Variants in PPP2R3A observed in about 807,000 individuals in gnomAD.
PPP2R3A encodes serine/threonine-protein phosphatase 2A regulatory subunit B'' subunit alpha.
Under a neutral mutation model 106.9 loss-of-function variants are expected in PPP2R3A, and 80 were observed. The ratio of observed to expected loss-of-function variants is 0.75; its 90% confidence interval spans 0.62 to 0.90. PPP2R3A has a LOEUF of 0.90. PPP2R3A is among the 40% of genes least tolerant of loss of function. PPP2R3A has a pLI of 0.00. For missense variants in PPP2R3A, 1,386 were observed against 1,350.4 expected (o/e 1.03, Z -0.41); for synonymous variants, 483 against 468.3 (o/e 1.03, Z -0.41).
chr3:135,972,435 T>C lies in PPP2R3A; in HGVS notation c.-441+6586T>C, dbSNP rs137911477. On this transcript the variant is annotated intron_variant, in intron 1 of 13. Coordinates refer to ENST00000264977, the MANE Select transcript of PPP2R3A (RefSeq NM_002718.5). The stretch of plus-strand genomic sequence containing the variant: ...ATTGCTAAGAGCATTCTTCTACAAG[T>C]TTTTGTTTAAATACCTGTTTTCAAT... Among the ~76,000 whole-genome samples the C allele has an allele frequency of 5.4e-3, 824 of 152,312 alleles. 3 individuals carry two copies. The highest frequency in any genetic ancestry group is 8.0e-3 in the Non-Finnish European group (544 of 68,010).
At chr3:136,037,657 G>A (rs936797162) in intron 3 of PPP2R3A, among the ~76,000 whole-genome samples, 2 of 152,164 alleles carry the variant, frequency 1.3e-5, no homozygotes, top group Non-Finnish European at 2.9e-5. Flanking sequence ...TGAGGATCAC[G>A]TGAAGGCCAA....
At chr3:136,042,970 ATTTTTT>A (rs10707670) in intron 4 of PPP2R3A, among the ~76,000 whole-genome samples, 2 of 148,090 alleles carry the variant, frequency 1.4e-5, no homozygotes, top group Non-Finnish European at 3.0e-5. Context: ...TAGTTTTGTA[ATTTTTT>A]TTTTTTGTAA....
intron 5 of PPP2R3A, among the ~76,000 whole-genome samples, chr3:136,055,962 A>AT (rs1415726643): frequency 1.3e-5 from 2 of 152,306 alleles, no homozygotes; most frequent in Admixed American, 1.3e-4. Flanking sequence ...AGCCTGACAG[A>AT]TACTACCTCA....
At chr3:136,062,168 T>C (rs1010817492) in intron 5 of PPP2R3A, among the ~76,000 whole-genome samples, 1 of 152,154 alleles carries the variant, frequency 6.6e-6, no homozygotes, top group Non-Finnish European at 1.5e-5. Context: ...TGAGAAAGTT[T>C]ATCTCCTTTA....
intron 13 of PPP2R3A, among the ~76,000 whole-genome samples, chr3:136,120,266 C>A (rs996796674): frequency 1.3e-5 from 2 of 151,994 alleles, no homozygotes; most frequent in Non-Finnish European, 1.5e-5. Flanking sequence ...TGTACATGTA[C>A]CCCAGAACTT....
chr3:136,144,956 G>A, intron 13 of PPP2R3A, 87 bp from the exon 14 acceptor site: 2 of 1,450,474 alleles, frequency 1.4e-6, no homozygotes, highest in Non-Finnish European at 1.9e-6. Context: ...TTTGTGGGCT[G>A]GTCTTGAGGC....
At chr3:136,126,372 C>G (rs1234670408) in intron 13 of PPP2R3A, among the ~76,000 whole-genome samples, 1 of 152,214 alleles carries the variant, frequency 6.6e-6, no homozygotes, top group Non-Finnish European at 1.5e-5. Flanking sequence ...TCACTGCTAG[C>G]GCAGCAGTCT....
At chr3:136,057,275 C>T (rs535078584) in intron 5 of PPP2R3A, among the ~76,000 whole-genome samples, 2 of 152,136 alleles carry the variant, frequency 1.3e-5, no homozygotes, top group South Asian at 4.1e-4. Flanking sequence ...CCCCCAAGTG[C>T]CAATCAATGG....
chr3:136,107,490 A>C (rs1260975014), intron 13 of PPP2R3A, among the ~76,000 whole-genome samples: 1 of 125,002 alleles, frequency 8.0e-6, no homozygotes, highest in East Asian at 2.3e-4. Context: ...GATGTGGTCC[A>C]TTCAGGTCAG....
intron 1 of PPP2R3A, among the ~76,000 whole-genome samples, chr3:135,966,516 C>A (rs1354225783): frequency 6.6e-6 from 1 of 152,174 alleles, no homozygotes; most frequent in Non-Finnish European, 1.5e-5. Flanking sequence ...GCCGCCGCCG[C>A]GGAGGGGCGT....
chr3:135,999,878 A>C (rs1933553534), intron 1 of PPP2R3A, among the ~76,000 whole-genome samples: 1 of 152,026 alleles, frequency 6.6e-6, no homozygotes, highest in Non-Finnish European at 1.5e-5. Flanking sequence ...GGTTCAAGAC[A>C]TTCTCCTGCC....
rs189538200 is a variant in PPP2R3A at position 136,052,121 on chromosome 3, A to G, written c.2469+2760A>G. On this transcript the variant is annotated intron_variant, in intron 5 of 13. Coordinates refer to ENST00000264977, the MANE Select transcript of PPP2R3A (RefSeq NM_002718.5). ...TGTTTTGTGAAATCTCAAATCTTCA[A>G]TATTTGAACTGCATTGTAATAAAAC... 8.3e-3 allele frequency among the ~76,000 whole-genome samples: 1,260 copies of G among 152,300 alleles called. 22 individuals are homozygous for G. Among genetic ancestry groups the G allele is most frequent in the African/African-American group, 0.028 (1,160 of 41,552 alleles).
chr3:136,002,707 A>G lies in PPP2R3A; in HGVS notation c.1209A>G (p.Leu403=), dbSNP rs1269065003. The G allele has an allele frequency of 1.5e-5, 24 of 1,613,314 alleles. No individual in the cohort carries two copies. In the East Asian group the frequency reaches 5.3e-4, roughly 36 times the overall value. The change falls in exon 2 of 14, where the codon TTA becomes TTG. Residue 403 remains leucine (L), a synonymous_variant. Transcript: ENST00000264977. The part of the protein sequence containing the change: ...VQSQSLTMNP[L]ENVSSDDLME... The stretch of plus-strand genomic sequence containing the variant: ...CACAGTCATTAACCATGAATCCTTT[A>G]GAAAATGTTTCTTCTGACGACTTAA...
At chr3:136,113,106 C>G (rs1297803046) in intron 13 of PPP2R3A, among the ~76,000 whole-genome samples, 1 of 151,392 alleles carries the variant, frequency 6.6e-6, no homozygotes, top group Non-Finnish European at 1.5e-5. Flanking sequence ...GCACTCCAAC[C>G]TGGGCAACAA....
At chr3:136,004,128 A>G (rs1442492754) in intron 2 of PPP2R3A, among the ~76,000 whole-genome samples, 2 of 152,258 alleles carry the variant, frequency 1.3e-5, no homozygotes, top group Non-Finnish European at 2.9e-5. Flanking sequence ...TCTCCAGGCA[A>G]CTGAGAATAA....
chr3:136,036,640 C>T (rs747449746), intron 3 of PPP2R3A, among the ~76,000 whole-genome samples: 11 of 152,100 alleles, frequency 7.2e-5, no homozygotes, highest in Non-Finnish European at 1.3e-4. Flanking sequence ...AGGAACAGTC[C>T]GCTTCCTTCA....
chr3:136,054,554 G>A (rs1031331560), intron 5 of PPP2R3A, among the ~76,000 whole-genome samples: 1 of 152,158 alleles, frequency 6.6e-6, no homozygotes, highest in African/African-American at 2.4e-5. Flanking sequence ...ACCGCGTCCA[G>A]CCTACTTCAC....
intron 8 of PPP2R3A, among the ~76,000 whole-genome samples, chr3:136,085,735 C>T (rs987123062): frequency 6.6e-6 from 1 of 152,082 alleles, no homozygotes; most frequent in Non-Finnish European, 1.5e-5. Flanking sequence ...TAAATAAATG[C>T]ATTGAATTTT....
chr3:135,995,158 CA>C (rs1198153887), intron 1 of PPP2R3A, among the ~76,000 whole-genome samples: 12 of 152,216 alleles, frequency 7.9e-5, no homozygotes, highest in African/African-American at 2.9e-4. Flanking sequence ...CAGCAGAGAC[CA>C]AAAGCCTGGG....
Sources: allele counts gnomAD v4.1 joint callset (sites outside exome capture counted in the v4.1 genomes callset), GRCh38; gene constraint gnomAD v4.1.1; transcripts MANE v1.5; gene names NCBI Gene and HGNC (gene_info 2026-07-23, HGNC 2026-07-21).